Variants in CIART observed in about 807,000 individuals in gnomAD.
The protein encoded by CIART is circadian associated repressor of transcription.
CIART carries 7 observed loss-of-function variants against 22.1 expected under a neutral mutation model. That is an observed-to-expected ratio of 0.32 (90% CI 0.18 to 0.59). The LOEUF is 0.59. Ranked by LOEUF, CIART falls within the 20% of genes least tolerant of loss-of-function variation. The pLI, the probability that CIART is intolerant of heterozygous loss-of-function variation, is 0.86. For missense variants in CIART, 440 were observed against 478.0 expected, an observed-to-expected ratio of 0.92 and a Z score of 0.74; for synonymous variants, 163 against 174.6, an observed-to-expected ratio of 0.93 and a Z score of 0.53.
In CIART at chr1:150,283,814, C is replaced by T. The variant is rs781811485; in HGVS notation, c.376C>T (p.Leu126Phe). Reference sequence around the variant, plus strand: ...TCCTATTTTCCTACAGTGTAAAGAACTCCAAGGATTTATACCTCCTCTCAC... The same window carrying T: ...TCCTATTTTCCTACAGTGTAAAGAATTCCAAGGATTTATACCTCCTCTCAC... ...DLLFAQKCKE[L>F]QGFIPPLTDL... Residue 126 changes from leucine (L) to phenylalanine (F), a missense_variant, in exon 2 of 5, where the codon CTC becomes TTC. By Grantham distance (22) the Leu-to-Phe change is conservative. Coordinates refer to ENST00000290363, the MANE Select transcript of CIART (RefSeq NM_144697.4). 1 of 1,592,892 alleles carries T rather than the reference C, an allele frequency of 6.3e-7. No homozygotes were observed. Among genetic ancestry groups the T allele is most frequent in the Non-Finnish European group, 8.6e-7 (1 of 1,160,810 alleles).
chr1:150,283,482 G>C lies in CIART; in HGVS notation c.215G>C (p.Gly72Ala). 1.2e-6 allele frequency: 2 copies of C among 1,614,196 alleles called. No individual in the cohort carries two copies. The highest frequency in any genetic ancestry group is 1.7e-6 in the Non-Finnish European group (2 of 1,180,052). The change falls in exon 1 of 5, where the codon GGT becomes GCT. Residue 72 changes from glycine (G) to alanine (A), a missense_variant. Gly to Ala is a moderately conservative substitution (Grantham distance 60). Transcript: ENST00000290363. ...IRCRHRSKVS[G>A]NQHTPSHPKQ... ...TGCAGGCATCGATCGAAGGTTTCCG[G>C]TAACCAGCATACACCATCTCATCCG...
rs1276428195 is a variant in CIART at position 150,283,940 on chromosome 1, T to C, written c.442+60T>C. On this transcript the variant is annotated intron_variant, in intron 2 of 4. Coordinates refer to ENST00000290363, the MANE Select transcript of CIART (RefSeq NM_144697.4). ...CATTTCTCTTTCTCTTTCCCTCTTTTGACGTGTATTTCTCTGAAGTTCTTG... is the reference window on the plus strand; with the variant it reads ...CATTTCTCTTTCTCTTTCCCTCTTTCGACGTGTATTTCTCTGAAGTTCTTG... 5 of 1,339,196 alleles carry C rather than the reference T, an allele frequency of 3.7e-6. No individual in the cohort carries two copies. In the African/African-American group the frequency reaches 7.3e-5, roughly 20 times the overall value. The allele number at this position is 1,339,196 out of a possible 1,614,324, so 83.0% of individuals were successfully genotyped here.
Position 150,286,546 on chromosome 1 carries a change from C to A in CIART, c.750C>A (p.Leu250=), listed in dbSNP as rs1374626357. 1 of 1,603,510 alleles carries A rather than the reference C, an allele frequency of 6.2e-7. No homozygotes were observed. Among genetic ancestry groups the A allele is most frequent in the Non-Finnish European group, 8.5e-7 (1 of 1,170,486 alleles). Reference sequence around the variant, plus strand: ...TAAAACCAAAGCAGCCTTGGCACCTCACACAATGGCCAGCTATGAACCTCA... The same window carrying A: ...TAAAACCAAAGCAGCCTTGGCACCTAACACAATGGCCAGCTATGAACCTCA... ...LALKPKQPWH[L]TQWPAMNLTW... is the part of the protein sequence containing the mutation. The change falls in exon 5 of 5, where the codon CTC becomes CTA. Residue 250 remains leucine (L), a synonymous_variant. Coordinates refer to ENST00000290363, the MANE Select transcript of CIART (RefSeq NM_144697.4).
chr1:150,284,364 T>C, intron 2 of CIART, 62 bp from the exon 3 acceptor site: 1 of 1,454,232 alleles, frequency 6.9e-7, no homozygotes, highest in Non-Finnish European at 9.6e-7. Context: ...CCTTCTGTTC[T>C]TCCTTTACCT....
In CIART at chr1:150,286,603, C is replaced by G. The variant is rs782327974; in HGVS notation, c.807C>G (p.Pro269=). The G allele has an allele frequency of 6.2e-7, 1 of 1,609,478 alleles. No individual in the cohort carries two copies. Among genetic ancestry groups the G allele is most frequent in the Non-Finnish European group, 8.5e-7 (1 of 1,175,736 alleles). Reference sequence around the variant, plus strand: ...TCCACACCACTCCAATTTGCAACCCCCCTCTCAGCTCCCCAGGTACTATCT... The same window carrying G: ...TCCACACCACTCCAATTTGCAACCCGCCTCTCAGCTCCCCAGGTACTATCT... ...TWIHTTPICN[P]PLSSPGTISF... is the part of the protein sequence containing the mutation. Residue 269 remains proline (P), a synonymous_variant, in exon 5 of 5, where the codon CCC becomes CCG. Transcript: ENST00000290363.
rs782397015 is a variant in CIART, at chr1:150,286,880, A to G, written c.1084A>G (p.Met362Val). The change falls in exon 5 of 5, where the codon ATG (methionine) becomes GTG (valine). Residue 362 changes from methionine (M) to valine (V), a missense_variant. Transcript: ENST00000290363. ...PPSLPTLARK[M>V]TIGHREQQRS... The stretch of plus-strand genomic sequence containing the variant: ...CAGTCTACCCACCTTGGCCAGAAAG[A>G]TGACCATAGGACACCGGGAGCAGCA... 8 of 1,613,012 alleles carry G rather than the reference A, an allele frequency of 5.0e-6. No homozygotes were observed. In the South Asian group the frequency reaches 6.6e-5, roughly 13 times the overall value.
In CIART at chr1:150,283,793, A is replaced by G. The variant is rs782699353; in HGVS notation, c.367-12A>G. 11 of 1,571,316 alleles carry G rather than the reference A, an allele frequency of 7.0e-6. No individual in the cohort carries two copies. In the Admixed American group the frequency reaches 1.3e-4, roughly 19 times the overall value. On this transcript the variant is annotated splice_polypyrimidine_tract_variant and intron_variant, in intron 1 of 4. Coordinates refer to ENST00000290363, the MANE Select transcript of CIART (RefSeq NM_144697.4). ...TTTGTCTTCTTACAGCCTTTGTCCTATTTTCCTACAGTGTAAAGAACTCCA... is the reference window on the plus strand; with the variant it reads ...TTTGTCTTCTTACAGCCTTTGTCCTGTTTTCCTACAGTGTAAAGAACTCCA...
rs1553854880 is a variant in CIART at position 150,287,047 on chromosome 1, A to C, written c.*93A>C. 1.6e-6 allele frequency: 2 copies of C among 1,232,516 alleles called. No homozygotes were observed. The highest frequency in any genetic ancestry group is 3.1e-5 in the African/African-American group (2 of 64,002). The allele number at this position is 1,232,516 out of a possible 1,614,324, so 76.3% of individuals were successfully genotyped here. ...ACTATTAATGTGTGCATTTGTGTTGAGGGAAGATAAATCCTTTCTGATTAA... is the reference window on the plus strand; with the variant it reads ...ACTATTAATGTGTGCATTTGTGTTGCGGGAAGATAAATCCTTTCTGATTAA... On this transcript the variant is annotated 3_prime_UTR_variant, in exon 5 of 5. Transcript: ENST00000290363.
intron 4 of CIART, chr1:150,284,971 G>A: frequency 2.1e-6 from 1 of 486,570 alleles, no homozygotes; most frequent in Non-Finnish European, 3.6e-6. Context: ...TCTGCTTTCT[G>A]CGTAGATACA....
At position 150,287,040 on chromosome 1, in the gene CIART, TGTGTTGAGG is replaced by T; in HGVS notation, c.*88_*96del. 1 of 1,268,512 alleles carries T rather than the reference TGTGTTGAGG, an allele frequency of 7.9e-7. No homozygotes were observed. The highest frequency in any genetic ancestry group is 1.1e-6 in the Non-Finnish European group (1 of 948,092). 78.6% of individuals were successfully genotyped at this position (1,268,512 alleles called of 1,614,324 possible). ...TATTTTTACTATTAATGTGTGCATT[TGTGTTGAGG>T]GAAGATAAATCCTTTCTGATTAAAG... On this transcript the variant is annotated 3_prime_UTR_variant, in exon 5 of 5. Transcript: ENST00000290363.
rs149062926 is a variant in CIART at position 150,286,604 on chromosome 1, C to A, written c.808C>A (p.Pro270Thr). ...CCACACCACTCCAATTTGCAACCCCCCTCTCAGCTCCCCAGGTACTATCTC... is the reference window on the plus strand; with the variant it reads ...CCACACCACTCCAATTTGCAACCCCACTCTCAGCTCCCCAGGTACTATCTC... ...WIHTTPICNP[P>T]LSSPGTISFS... The change falls in exon 5 of 5, where the codon CCT becomes ACT. Residue 270 changes from proline to threonine, a missense_variant. Pro to Thr is a conservative substitution (Grantham distance 38). Coordinates refer to ENST00000290363, the MANE Select transcript of CIART (RefSeq NM_144697.4). 114 of 1,609,298 alleles carry A rather than the reference C, an allele frequency of 7.1e-5. No homozygotes were observed. In the East Asian group the frequency reaches 2.2e-3, roughly 31 times the overall value.
Position 150,283,852 on chromosome 1 carries a change from T to C in CIART, c.414T>C (p.Asn138=), listed in dbSNP as rs1474812877. The change falls in exon 2 of 5, where the codon AAT becomes AAC. Residue 138 remains asparagine (N), a synonymous_variant. Coordinates refer to ENST00000290363, the MANE Select transcript of CIART (RefSeq NM_144697.4). ...TACCTCCTCTCACAGACCTACTCAATGGGCTGAAGATGGGTCGTTTTGAGA... is the reference window on the plus strand; with the variant it reads ...TACCTCCTCTCACAGACCTACTCAACGGGCTGAAGATGGGTCGTTTTGAGA... The part of the protein sequence containing the change: ...GFIPPLTDLL[N]GLKMGRFERG... 1.9e-6 allele frequency: 3 copies of C among 1,593,782 alleles called. No homozygotes were observed. Among genetic ancestry groups the C allele is most frequent in the East Asian group, 2.2e-5 (1 of 44,794 alleles).
At position 150,283,587 on chromosome 1, in the gene CIART, A is replaced by T; in HGVS notation, c.320A>T (p.Asn107Ile). ...GATGGTGAACTGGAGACCAGTCTAA[A>T]CACCCAAGGTTGTACCACAGAGGGA... ...SRDGELETSL[N>I]TQGCTTEGDL... Residue 107 changes from asparagine to isoleucine, a missense_variant, in exon 1 of 5, where the codon AAC becomes ATC. By Grantham distance (149) the Asn-to-Ile change is moderately radical (BLOSUM62 -3). Transcript: ENST00000290363. 6.2e-7 allele frequency: 1 copy of T among 1,614,042 alleles called. No homozygotes were observed. The highest frequency in any genetic ancestry group is 8.5e-7 in the Non-Finnish European group (1 of 1,179,888).
intron 2 of CIART, 35 bp downstream of exon 2, chr1:150,283,915 C>T (rs1553854108): frequency 6.8e-7 from 1 of 1,472,710 alleles, no homozygotes. Flanking sequence ...GGGCTAGGTT[C>T]ATTTCTCTTT....
Position 150,286,721 on chromosome 1 carries a change from A to G in CIART, c.925A>G (p.Thr309Ala), listed in dbSNP as rs782029771. 12 of 1,613,366 alleles carry G rather than the reference A, an allele frequency of 7.4e-6. No homozygotes were observed. The highest frequency in any genetic ancestry group is 4.5e-5 in the East Asian group (2 of 44,890). Reference protein sequence around the residue: ...GVQPFTHSAPTTPVPPTTASP... With the variant: ...GVQPFTHSAPATPVPPTTASP... Reference sequence around the variant, plus strand: ...GCAACCCTTCACCCACTCTGCCCCAACCACCCCAGTCCCACCTACTACAGC... The same window carrying G: ...GCAACCCTTCACCCACTCTGCCCCAGCCACCCCAGTCCCACCTACTACAGC... Residue 309 changes from threonine (T) to alanine (A), a missense_variant, in exon 5 of 5, where the codon ACC (threonine) becomes GCC (alanine). Transcript: ENST00000290363.
At position 150,284,665 on chromosome 1, in the gene CIART, C is replaced by T. The variant is rs782638195; in HGVS notation, c.590C>T (p.Ala197Val). 5.0e-5 allele frequency: 80 copies of T among 1,613,770 alleles called. No individual in the cohort carries two copies. Among genetic ancestry groups the T allele is most frequent in the Non-Finnish European group, 6.5e-5 (77 of 1,179,834 alleles). ...MLKTWFPQIA[A>V]QKSSLGGGKH... ...AAGACTTGGTTTCCACAAATAGCTG[C>T]CCAGAAGTCATCATTGGGTGGTGGC... Residue 197 changes from alanine to valine, a missense_variant, in exon 4 of 5, where the codon GCC (alanine) becomes GTC (valine). Transcript: ENST00000290363.
Position 150,283,324 on chromosome 1 carries a change from TC to T in CIART, c.60del (p.Thr21ProfsTer4). The T allele has an allele frequency of 6.5e-7, 1 of 1,547,100 alleles. No individual in the cohort carries two copies. The stretch of plus-strand genomic sequence containing the variant: ...CCTCCTACTCTCTCTCTTCGTCTTT[TC>T]CCACCTCCCCAGTGAACAGTGACTT... ...YSSYSLSSSF[P>X]TSPVNSDFGF... On this transcript the variant is annotated frameshift_variant, in exon 1 of 5. Transcript: ENST00000290363. LOFTEE classifies it high-confidence loss of function.
intron 4 of CIART, chr1:150,285,535 TAA>T (rs5777719): frequency 2.1e-5 from 3 of 144,488 alleles, no homozygotes; most frequent in Admixed American, 7.0e-5. Context: ...AAACTCCATC[TAA>T]AAAAAAAAAA....
chr1:150,283,340 A>G lies in CIART; in HGVS notation c.73A>G (p.Asn25Asp). Residue 25 changes from asparagine (N) to aspartate (D), a missense_variant, in exon 1 of 5, where the codon AAC becomes GAC. Coordinates refer to ENST00000290363, the MANE Select transcript of CIART (RefSeq NM_144697.4). ...TTCGTCTTTTCCCACCTCCCCAGTG[A>G]ACAGTGACTTTGGCTTCCCCTCTGA... The part of the protein sequence containing the change: ...LSSSFPTSPV[N>D]SDFGFPSDSE... 6.4e-7 allele frequency: 1 copy of G among 1,570,430 alleles called. No individual in the cohort carries two copies. The highest frequency in any genetic ancestry group is 8.6e-7 in the Non-Finnish European group (1 of 1,159,560).
Sources: gnomAD v4.1 joint callset for allele counts on GRCh38, gnomAD v4.1.1 for gene constraint, MANE v1.5 for transcripts, NCBI Gene and HGNC (gene_info 2026-07-23, HGNC 2026-07-21) for gene names.